ATP2B4: variants seen among roughly 807,000 people sequenced by gnomAD.
The protein encoded by ATP2B4 is ATPase plasma membrane Ca2+ transporting 4, also known as plasma membrane calcium-transporting ATPase 4.
ATP2B4 carries 39 observed loss-of-function variants against 110.3 expected under a neutral mutation model. The observed-to-expected ratio is 0.35, with a 90% CI of 0.27 to 0.46. ATP2B4 has a LOEUF of 0.46. Ranked by LOEUF, ATP2B4 falls within the 20% of genes least tolerant of loss-of-function variation. The pLI is 1.00. For synonymous variants in ATP2B4, 538 were observed against 571.7 expected, an observed-to-expected ratio of 0.94 and a Z score of 0.84; for missense variants, 1,135 against 1,530.9, an observed-to-expected ratio of 0.74 and a Z score of 4.32.
intron 1 of ATP2B4, among the ~76,000 whole-genome samples, chr1:203,672,375 T>G: frequency 7.8e-6 from 1 of 127,790 alleles, no homozygotes. Context: ...TTTAGGGGGT[T>G]GGGAAAAGAA....
At chr1:203,686,691 T>TC (rs1665197609) in intron 2 of ATP2B4, among the ~76,000 whole-genome samples, 1 of 117,516 alleles carries the variant, frequency 8.5e-6, no homozygotes, top group Non-Finnish European at 1.8e-5. Flanking sequence ...CTTTCTTTTT[T>TC]TTTTTTTTTT....
At position 203,722,813 on chromosome 1, in the gene ATP2B4, T is replaced by C. The variant is rs931745814; in HGVS notation, c.3024+124T>C. ...AATTACGGGGACTGGAGCTGTAAGT[T>C]GAACACTTTGGGATTCCCAATCTGC... On this transcript the variant is annotated intron_variant, in intron 18 of 20. Transcript: ENST00000357681. 10 of 907,548 alleles carry C rather than the reference T, an allele frequency of 1.1e-5. No homozygotes were observed. In the Admixed American group the frequency reaches 2.8e-4, roughly 25 times the overall value. 56.2% of individuals were successfully genotyped at this position (907,548 alleles called of 1,614,324 possible).
chr1:203,701,832 G>A (rs539136584), intron 6 of ATP2B4, among the ~76,000 whole-genome samples: 42 of 152,284 alleles, frequency 2.8e-4, no homozygotes, highest in Middle Eastern at 3.4e-3. Flanking sequence ...TCACCTACAT[G>A]AGCGTTTTGG....
intron 1 of ATP2B4, among the ~76,000 whole-genome samples, chr1:203,672,201 C>T (rs916683358): frequency 6.6e-6 from 1 of 152,178 alleles, no homozygotes; most frequent in African/African-American, 2.4e-5. Flanking sequence ...CCAGAGGCCG[C>T]ACCTTCCCTT....
At chr1:203,734,066 G>A (rs1345566035) in intron 20 of ATP2B4, among the ~76,000 whole-genome samples, 1 of 152,198 alleles carries the variant, frequency 6.6e-6, no homozygotes, top group East Asian at 1.9e-4. Flanking sequence ...AACACTTTGG[G>A]AGGCCAAAGC....
At chr1:203,735,504 G>A (rs1278165786) in intron 20 of ATP2B4, among the ~76,000 whole-genome samples, 7 of 149,034 alleles carry the variant, frequency 4.7e-5, no homozygotes, top group African/African-American at 1.5e-4. Flanking sequence ...CCCCCACCCC[G>A]ACCTCTGCAA....
chr1:203,731,911 G>A (rs2102233942), intron 20 of ATP2B4, among the ~76,000 whole-genome samples: 1 of 150,154 alleles, frequency 6.7e-6, no homozygotes, highest in African/African-American at 2.4e-5. Context: ...GGGCACAGTG[G>A]CTCACGCCTG....
At chr1:203,668,187 C>T (rs1363599398) in intron 1 of ATP2B4, among the ~76,000 whole-genome samples, 1 of 152,136 alleles carries the variant, frequency 6.6e-6, no homozygotes, top group Non-Finnish European at 1.5e-5. Flanking sequence ...GGAGGTGGAA[C>T]AGTGGAGCCA....
chr1:203,627,583 C>A (rs752584688), intron 1 of ATP2B4, among the ~76,000 whole-genome samples: 2 of 151,970 alleles, frequency 1.3e-5, no homozygotes, highest in African/African-American at 2.4e-5. Flanking sequence ...CCCCTTCCCC[C>A]CTTGGCTTGG....
At position 203,723,289 on chromosome 1, in the gene ATP2B4, C is replaced by T. The variant is rs192418921; in HGVS notation, c.3025-592C>T. Among the ~76,000 whole-genome samples, 282 of 145,194 alleles carry T rather than the reference C, an allele frequency of 1.9e-3. 3 individuals are homozygous for T. The East Asian group carries it at 0.029, about 15-fold the overall frequency. On this transcript the variant is annotated intron_variant, in intron 18 of 20. Coordinates refer to ENST00000357681, the MANE Select transcript of ATP2B4 (RefSeq NM_001684.5). ...TTTTTTTTTTTTAATTTTAAAAATA[C>T]AGATGGGGTCTCACTCTGTTGCTCA...
At position 203,710,740 on chromosome 1, in the gene ATP2B4, G is replaced by A. The variant is rs1197201213; in HGVS notation, c.1800-137G>A. On this transcript the variant is annotated intron_variant, in intron 11 of 20. Coordinates refer to ENST00000357681, the MANE Select transcript of ATP2B4 (RefSeq NM_001684.5). ...GGAAAGAGGGACTCAGCTGGGTGAT[G>A]AATGAAGGAAATGTTTGGCCACACT... 8.4e-6 allele frequency: 6 copies of A among 710,496 alleles called. No individual in the cohort carries two copies. The East Asian group carries it at 1.4e-4, about 16-fold the overall frequency. The allele number at this position is 710,496 out of a possible 1,614,324, so 44.0% of individuals were successfully genotyped here.
chr1:203,714,154 G>C lies in ATP2B4; in HGVS notation c.2300-17G>C, dbSNP rs374963572. ...GGAGACCAGAAAAGCTCACTGTGGT[G>C]TGTCTGTTTCTCCCAGGCATAATTG... On this transcript the variant is annotated splice_polypyrimidine_tract_variant and intron_variant, in intron 14 of 20. Coordinates refer to ENST00000357681, the MANE Select transcript of ATP2B4 (RefSeq NM_001684.5). 6.2e-6 allele frequency: 10 copies of C among 1,612,670 alleles called. No homozygotes were observed. The South Asian group carries it at 1.1e-4, about 18-fold the overall frequency.
At chr1:203,654,608 G>T (rs1418556815) in intron 1 of ATP2B4, among the ~76,000 whole-genome samples, 2 of 152,188 alleles carry the variant, frequency 1.3e-5, no homozygotes, top group Non-Finnish European at 2.9e-5. Context: ...AACATTCAAG[G>T]GCTGGGAATG....
chr1:203,627,838 A>G (rs1327643610), intron 1 of ATP2B4, among the ~76,000 whole-genome samples: 1 of 152,184 alleles, frequency 6.6e-6, no homozygotes. Flanking sequence ...AGCTTTGCAG[A>G]GAAACCTCAG....
chr1:203,703,581 G>T (rs1046929130), intron 7 of ATP2B4, 71 bp from the exon 8 acceptor site: 5 of 1,538,798 alleles, frequency 3.2e-6, no homozygotes, highest in Non-Finnish European at 4.4e-6. Flanking sequence ...AGGTTTTCTG[G>T]TTTCCACCTG....
chr1:203,664,639 G>C (rs979247506), intron 1 of ATP2B4, among the ~76,000 whole-genome samples: 1 of 152,112 alleles, frequency 6.6e-6, no homozygotes, highest in Non-Finnish European at 1.5e-5. Flanking sequence ...TGAGGGGCAG[G>C]AGCCTGGCCC....
At chr1:203,654,472 G>A (rs1316950962) in intron 1 of ATP2B4, among the ~76,000 whole-genome samples, 9 of 152,196 alleles carry the variant, frequency 5.9e-5, no homozygotes, top group Non-Finnish European at 1.3e-4. Flanking sequence ...TGACTTTCAA[G>A]TCTTATCATT....
At chr1:203,697,847 G>A (rs1379764619) in intron 2 of ATP2B4, among the ~76,000 whole-genome samples, 1 of 151,906 alleles carries the variant, frequency 6.6e-6, no homozygotes, top group African/African-American at 2.4e-5. Flanking sequence ...TGTGACTACA[G>A]GTGCACCACA....
At position 203,674,637 on chromosome 1, in the gene ATP2B4, C is replaced by CTT. The variant is rs57153257; in HGVS notation, c.-464-8071_-464-8070dup. 8.2e-4 allele frequency among the ~76,000 whole-genome samples: 38 copies of CTT among 46,262 alleles called. 2 individuals are homozygous for CTT. Among genetic ancestry groups the CTT allele is most frequent in the African/African-American group, 1.9e-3 (22 of 11,614 alleles). 30.3% of individuals were successfully genotyped at this position (46,262 alleles called of 152,430 possible). ...CACAGGCGTGCAACACCACACCTGG[C>CTT]TTTTTTTTTTTTTTTTTTTTTTTTT... On this transcript the variant is annotated intron_variant, in intron 1 of 20. Transcript: ENST00000357681.
Sources: allele counts gnomAD v4.1 joint callset (sites outside exome capture counted in the v4.1 genomes callset), GRCh38; gene constraint gnomAD v4.1.1; transcripts MANE v1.5; gene names NCBI Gene and HGNC (gene_info 2026-07-23, HGNC 2026-07-21).